Variants in MUC15 observed in about 807,000 individuals in gnomAD.
The protein encoded by MUC15 is mucin 15, cell surface associated.
In MUC15, 23 loss-of-function variants were observed where a neutral mutation model predicts 24.0. The observed-to-expected ratio is 0.96, with a 90% CI of 0.69 to 1.36. The LOEUF (loss-of-function observed/expected upper bound fraction) is 1.36, where lower values mean the gene tolerates loss of function less well. Among genes scored for constraint, MUC15 ranks in the 40% most tolerant of loss-of-function variants. MUC15 has a pLI of 0.00. For synonymous variants in MUC15, 151 were observed against 156.3 expected (o/e 0.97, Z 0.25); for missense variants, 442 against 428.2 (o/e 1.03, Z -0.29).
chr11:26,561,336 T>A, intron 4 of MUC15, 111 bp from the exon 5 acceptor site: 2 of 742,534 alleles, frequency 2.7e-6, no homozygotes, highest in Non-Finnish European at 3.9e-6. Context: ...AATATATTTT[T>A]ATATGGGCTT....
chr11:26,570,019 G>A (rs528798586), intron 1 of MUC15, among the ~76,000 whole-genome samples: 2 of 152,002 alleles, frequency 1.3e-5, no homozygotes, highest in East Asian at 1.9e-4. Context: ...TCACAAACTC[G>A]AAAACCTTCT....
rs772291292 is a variant in MUC15 at position 26,561,167 on chromosome 11, G to A, written c.984C>T (p.Tyr328=). Residue 328 remains tyrosine (Y), a synonymous_variant, in exon 5 of 5, where the codon TAC becomes TAT. Transcript: ENST00000529533. ...PYDVSFGNSS[Y]YNPTLNDSAM... ...CTGAATCATTCAAAGTTGGATTGTA[G>A]TAGCTAGAATTCCCAAAACTCACAT... 8 of 1,612,682 alleles carry A rather than the reference G, an allele frequency of 5.0e-6. 1 individual carries two copies. The South Asian group carries it at 6.6e-5, about 13-fold the overall frequency.
chr11:26,561,369 T>C, intron 4 of MUC15, 144 bp from the exon 5 acceptor site: 1 of 634,802 alleles, frequency 1.6e-6, no homozygotes, highest in Middle Eastern at 4.5e-4. Flanking sequence ...TTTTAAAATT[T>C]TAAATAAGTA....
In MUC15 at chr11:26,559,494, G is replaced by C. The variant is rs1453278462; in HGVS notation, c.*1571C>G. ...GATGGTGGGGTATAAAGGGAATCAA[G>C]AGAGGAGAGAAGAGGGCTAATGTTG... On this transcript the variant is annotated 3_prime_UTR_variant, in exon 5 of 5. Transcript: ENST00000529533. 2 of 488,492 alleles carry C rather than the reference G, an allele frequency of 4.1e-6. No individual in the cohort carries two copies. Among genetic ancestry groups the C allele is most frequent in the Non-Finnish European group, 7.3e-6 (2 of 273,808 alleles). 30.3% of individuals were successfully genotyped at this position (488,492 alleles called of 1,614,324 possible). A position where few individuals can be genotyped will look rare whatever the true frequency, so the allele number is the denominator to read the frequency against.
At chr11:26,565,937 T>C (rs2134270271) in intron 2 of MUC15, 41 bp from the exon 3 acceptor site, 1 of 1,475,168 alleles carries the variant, frequency 6.8e-7, no homozygotes, top group African/African-American at 1.4e-5. Context: ...TTAAATAAAA[T>C]ACTCTGAGTT....
rs779223477 is a variant in MUC15 at position 26,565,786 on chromosome 11, C to A, written c.154G>T (p.Glu52Ter). 4 of 1,609,486 alleles carry A rather than the reference C, an allele frequency of 2.5e-6. No individual in the cohort carries two copies. The African/African-American group carries it at 5.4e-5, about 22-fold the overall frequency. The change falls in exon 3 of 5, where the codon GAA (glutamate) becomes TAA (stop). Residue 52 changes from glutamate (E) to a stop codon, truncating the protein, a stop_gained. Transcript: ENST00000529533. LOFTEE classifies it high-confidence loss of function. ...YSLLSGSHGK[E>*]NQDINTTQNI... ...TGTGTTGTGTTTATGTCTTGATTTT[C>A]TTTTCCATGGCTCCCCGATAGAAGT...
chr11:26,572,097 T>C lies in MUC15; in HGVS notation c.-102A>G. 1.0e-6 allele frequency: 1 copy of C among 985,376 alleles called. No homozygotes were observed. The highest frequency in any genetic ancestry group is 1.7e-5 in the African/African-American group (1 of 57,332). 61.0% of individuals were successfully genotyped at this position (985,376 alleles called of 1,614,324 possible). A position where few individuals can be genotyped will look rare whatever the true frequency, so the allele number is the denominator to read the frequency against. Reference sequence around the variant, plus strand: ...ACTGAAATATCACAGTTGTCCTGTCTGAAAGGAATCTGTCGTGCATTAGAG... The same window carrying C: ...ACTGAAATATCACAGTTGTCCTGTCCGAAAGGAATCTGTCGTGCATTAGAG... On this transcript the variant is annotated 5_prime_UTR_variant, in exon 1 of 5. Coordinates refer to ENST00000529533, the MANE Select transcript of MUC15 (RefSeq NM_001135091.2).
rs1850532155 is a variant in MUC15 at position 26,565,447 on chromosome 11, G to C, written c.493C>G (p.Pro165Ala). Residue 165 changes from proline (P) to alanine (A), a missense_variant, in exon 3 of 5, where the codon CCC becomes GCC. Coordinates refer to ENST00000529533, the MANE Select transcript of MUC15 (RefSeq NM_001135091.2). Reference sequence around the variant, plus strand: ...GAAGACAGAGCAGGTGTAGCATTGGGATGTGCTGAGATGGGCAAAAGATCT... The same window carrying C: ...GAAGACAGAGCAGGTGTAGCATTGGCATGTGCTGAGATGGGCAAAAGATCT... ...DEDLLPISAH[P>A]NATPALSSEN... 1 of 1,613,410 alleles carries C rather than the reference G, an allele frequency of 6.2e-7. No individual in the cohort carries two copies. Among genetic ancestry groups the C allele is most frequent in the South Asian group, 1.1e-5 (1 of 91,068 alleles).
rs1008543363 is a variant in MUC15 at position 26,559,346 on chromosome 11, G to C, written c.*1719C>G. On this transcript the variant is annotated 3_prime_UTR_variant, in exon 5 of 5. Coordinates refer to ENST00000529533, the MANE Select transcript of MUC15 (RefSeq NM_001135091.2). ...CCCACTCCTAGAAGTTTTGCTAACA[G>C]GAATTGCAACTAGGAATGCCTCACC... 1 of 171,446 alleles carries C rather than the reference G, an allele frequency of 5.8e-6. No homozygotes were observed. Among genetic ancestry groups the C allele is most frequent in the Non-Finnish European group, 1.3e-5 (1 of 79,916 alleles). The allele number at this position is 171,446 out of a possible 1,614,324, so 10.6% of individuals were successfully genotyped here. A position where few individuals can be genotyped will look rare whatever the true frequency, so the allele number is the denominator to read the frequency against.
At position 26,562,189 on chromosome 11, in the gene MUC15, A is replaced by G. The variant is rs373359133; in HGVS notation, c.925+927T>C. On this transcript the variant is annotated intron_variant, in intron 4 of 4. Transcript: ENST00000529533. ...GTTGAAAACCACCGTTATAAATCCT[A>G]TCCTTTAATTTTTGAAGAATGGTAC... is the stretch of plus-strand genomic sequence containing the variant. Among the ~76,000 whole-genome samples, 9 of 152,010 alleles carry G rather than the reference A, an allele frequency of 5.9e-5. No homozygotes were observed. In the East Asian group the frequency reaches 1.7e-3, roughly 29 times the overall value.
intron 2 of MUC15, among the ~76,000 whole-genome samples, chr11:26,566,341 G>A (rs539410234): frequency 3.9e-5 from 6 of 152,112 alleles, no homozygotes; most frequent in Non-Finnish European, 8.8e-5. Flanking sequence ...TTATAAAGAT[G>A]TCATTTGAAA....
Position 26,559,417 on chromosome 11 carries a change from T to C in MUC15, c.*1648A>G. On this transcript the variant is annotated 3_prime_UTR_variant, in exon 5 of 5. Coordinates refer to ENST00000529533, the MANE Select transcript of MUC15 (RefSeq NM_001135091.2). ...ACTTTCATTAAGTAGTTTGACAATC[T>C]GTGACCCACAAATACTTCCATAGAA... 2 of 234,578 alleles carry C rather than the reference T, an allele frequency of 8.5e-6. No homozygotes were observed. Among genetic ancestry groups the C allele is most frequent in the Non-Finnish European group, 1.6e-5 (2 of 121,718 alleles). The allele number at this position is 234,578 out of a possible 1,614,324, so 14.5% of individuals were successfully genotyped here. A position where few individuals can be genotyped will look rare whatever the true frequency, so the allele number is the denominator to read the frequency against.
rs549363840 is a variant in MUC15, at chr11:26,559,279, G to A, written c.*1786C>T. 2 of 159,678 alleles carry A rather than the reference G, an allele frequency of 1.3e-5. No individual in the cohort carries two copies. Among genetic ancestry groups the A allele is most frequent in the East Asian group, 1.8e-4 (1 of 5,592 alleles). 9.9% of individuals were successfully genotyped at this position (159,678 alleles called of 1,614,324 possible). ...ACTAAGAGAATAGGGTTAGCTATGG[G>A]AAATGCTGGCTCACTGGAAGAATCC... On this transcript the variant is annotated 3_prime_UTR_variant, in exon 5 of 5. Coordinates refer to ENST00000529533, the MANE Select transcript of MUC15 (RefSeq NM_001135091.2).
Position 26,559,869 on chromosome 11 carries a change from CA to C in MUC15, c.*1195del, listed in dbSNP as rs1217030003. 3.3e-5 allele frequency: 27 copies of C among 813,208 alleles called. No individual in the cohort carries two copies. The highest frequency in any genetic ancestry group is 3.8e-4 in the Middle Eastern group (1 of 2,654). 50.4% of individuals were successfully genotyped at this position (813,208 alleles called of 1,614,324 possible). On this transcript the variant is annotated 3_prime_UTR_variant, in exon 5 of 5. Coordinates refer to ENST00000529533, the MANE Select transcript of MUC15 (RefSeq NM_001135091.2). ...ACACACACACACACACACACACACA[CA>C]CACACCATGAATCAATTCAAAAATA...
In MUC15 at chr11:26,563,239, C is replaced by T. The variant is rs768389893; in HGVS notation, c.802G>A (p.Gly268Arg). 27 of 1,605,578 alleles carry T rather than the reference C, an allele frequency of 1.7e-5. No homozygotes were observed. Among genetic ancestry groups the T allele is most frequent in the African/African-American group, 6.7e-5 (5 of 74,326 alleles). Residue 268 changes from glycine (G) to arginine (R), a missense_variant, in exon 4 of 5, where the codon GGG becomes AGG. Transcript: ENST00000529533. ...CCCAGAATAGCACCTAAAATGGCCC[C>T]GAATACTATTCCTGTATTTCTATTT... The part of the protein sequence containing the change: ...KENRNTGIVF[G>R]AILGAILGVS...
In MUC15 at chr11:26,565,355, A is replaced by G; in HGVS notation, c.585T>C (p.Val195=). 1 of 1,612,852 alleles carries G rather than the reference A, an allele frequency of 6.2e-7. No individual in the cohort carries two copies. Among genetic ancestry groups the G allele is most frequent in the Non-Finnish European group, 8.5e-7 (1 of 1,179,324 alleles). The part of the protein sequence containing the change: ...VKTPDNSSIT[V]SILSSEPTSP... ...AAGTTGGTTCTGAAGAGAGGATGCT[A>G]ACTGTAATGGAACTGTTATCAGGAG... Residue 195 remains valine (V), a synonymous_variant, in exon 3 of 5, where the codon GTT becomes GTC. Transcript: ENST00000529533.
At position 26,559,874 on chromosome 11, in the gene MUC15, ACC is replaced by A; in HGVS notation, c.*1189_*1190del. 1 of 755,024 alleles carries A rather than the reference ACC, an allele frequency of 1.3e-6. No homozygotes were observed. The highest frequency in any genetic ancestry group is 1.8e-5 in the South Asian group (1 of 56,050). 46.8% of individuals were successfully genotyped at this position (755,024 alleles called of 1,614,324 possible). On this transcript the variant is annotated 3_prime_UTR_variant, in exon 5 of 5. Coordinates refer to ENST00000529533, the MANE Select transcript of MUC15 (RefSeq NM_001135091.2). ...CACACACACACACACACACACACAC[ACC>A]ATGAATCAATTCAAAAATAAAGCCT...
rs1276972406 is a variant in MUC15, at chr11:26,560,837, CA to C, written c.*227del. 1 of 392,410 alleles carries C rather than the reference CA, an allele frequency of 2.5e-6. No homozygotes were observed. The highest frequency in any genetic ancestry group is 4.5e-6 in the Non-Finnish European group (1 of 222,530). The allele number at this position is 392,410 out of a possible 1,614,324, so 24.3% of individuals were successfully genotyped here. On this transcript the variant is annotated 3_prime_UTR_variant, in exon 5 of 5. Transcript: ENST00000529533. ...CTACTAAGAAAATACTACTAAAATA[CA>C]AATTAAGGCTACTTAGTAAATGCCT... is the stretch of plus-strand genomic sequence containing the variant.
chr11:26,563,395 C>CTCTCTCTCTCTGTG, intron 3 of MUC15, 130 bp from the exon 4 acceptor site: 2 of 506,042 alleles, frequency 4.0e-6, no homozygotes, highest in African/African-American at 4.1e-5. Flanking sequence ...GTTTCTCTCT[C>CTCTCTCTCTCTGTG]TGTGTGTGTG....
Sources: gnomAD v4.1 joint callset for allele counts (sites outside exome capture counted in the v4.1 genomes callset) on GRCh38, gnomAD v4.1.1 for gene constraint, MANE v1.5 for transcripts, NCBI Gene and HGNC (gene_info 2026-07-23, HGNC 2026-07-21) for gene names.